COL22A1: variants seen among roughly 807,000 people sequenced by gnomAD.
The protein encoded by COL22A1 is collagen type XXII alpha 1 chain, also known as collagen alpha-1(XXII) chain.
Under a neutral mutation model 248.9 loss-of-function variants are expected in COL22A1, and 221 were observed. The observed-to-expected ratio is 0.89, with a 90% CI of 0.80 to 0.99. COL22A1 has a LOEUF of 0.99. Ranked by LOEUF, COL22A1 falls within the 50% of genes least tolerant of loss-of-function variation. The pLI, the probability that COL22A1 is intolerant of heterozygous loss-of-function variation, is 0.00. For missense variants in COL22A1, 2,240 were observed against 2,179.0 expected (o/e 1.03, Z -0.56); for synonymous variants, 891 against 793.4 (o/e 1.12, Z -2.07).
At chr8:138,677,512 A>ATT (rs879270437) in intron 40 of COL22A1, among the ~76,000 whole-genome samples, 34,016 of 152,084 alleles carry the variant, frequency 0.22, 4,076 homozygotes, top group African/African-American at 0.32. Context: ...AGGCCGAGCC[A>ATT]CGCCTTATTC....
At chr8:138,805,518 T>TG (rs1817481284) in intron 10 of COL22A1, among the ~76,000 whole-genome samples, 1 of 138,968 alleles carries the variant, frequency 7.2e-6, no homozygotes, top group African/African-American at 2.9e-5. Context: ...GGTGTGTGTG[T>TG]ATATGTGTGA....
chr8:138,740,367 G>T (rs1831454421), intron 22 of COL22A1, among the ~76,000 whole-genome samples: 1 of 152,146 alleles, frequency 6.6e-6, no homozygotes, highest in Non-Finnish European at 1.5e-5. Context: ...TGAGCAGAAT[G>T]ACTCATTAAG....
intron 12 of COL22A1, among the ~76,000 whole-genome samples, chr8:138,790,992 G>A (rs1038782998): frequency 5.9e-5 from 9 of 152,172 alleles, no homozygotes; most frequent in Non-Finnish European, 1.3e-4. Context: ...GCAAGCCAGA[G>A]CTCATTATAA....
At chr8:138,882,576 CCACA>C (rs1353709722) in intron 2 of COL22A1, among the ~76,000 whole-genome samples, 2 of 17,686 alleles carry the variant, frequency 1.1e-4, no homozygotes, top group Admixed American at 1.0e-3. Context: ...CCACACACTC[CCACA>C]CACTGTCAAA....
chr8:138,675,810 G>A (rs1209604500), intron 41 of COL22A1, among the ~76,000 whole-genome samples: 1 of 152,074 alleles, frequency 6.6e-6, no homozygotes, highest in Non-Finnish European at 1.5e-5. Context: ...AGCAGTGGGT[G>A]GAAACTACAG....
intron 22 of COL22A1, among the ~76,000 whole-genome samples, chr8:138,738,886 C>T (rs575020609): frequency 6.6e-6 from 1 of 152,220 alleles, no homozygotes; most frequent in Non-Finnish European, 1.5e-5. Flanking sequence ...CTCTACTGTC[C>T]CGGAATCTCC....
At chr8:138,862,461 C>A (rs1822556052) in intron 3 of COL22A1, among the ~76,000 whole-genome samples, 1 of 152,114 alleles carries the variant, frequency 6.6e-6, no homozygotes, top group South Asian at 2.1e-4. Context: ...TTTCCTCCAC[C>A]CGGAGTGCCC....
chr8:138,800,215 G>GT (rs1336587032), intron 11 of COL22A1, among the ~76,000 whole-genome samples: 4 of 152,146 alleles, frequency 2.6e-5, no homozygotes, highest in Non-Finnish European at 5.9e-5. Flanking sequence ...AGCCTCCACT[G>GT]TATGACTGAG....
At chr8:138,905,335 C>T (rs1022083971) in intron 1 of COL22A1, among the ~76,000 whole-genome samples, 20 of 152,190 alleles carry the variant, frequency 1.3e-4, no homozygotes, top group African/African-American at 4.6e-4. Flanking sequence ...GGACCAGAAA[C>T]TCACTACTTT....
At chr8:138,690,925 T>G in intron 35 of COL22A1, 51 bp from the exon 36 acceptor site, 1 of 1,460,422 alleles carries the variant, frequency 6.8e-7, no homozygotes, top group Non-Finnish European at 9.4e-7. Context: ...TTAGAAGTAG[T>G]TGCCCCCACT....
rs1230804094 is a variant in COL22A1, at chr8:138,760,298, G to T, written c.1858-11C>A. ...AGGGCCGGGCCTGCCCTGGAGGAAA[G>T]AAAGAAAAGGCAGATTATGATGGGC... is the stretch of plus-strand genomic sequence containing the variant. On this transcript the variant is annotated splice_polypyrimidine_tract_variant and intron_variant, in intron 17 of 64. Transcript: ENST00000303045. 3 of 1,598,632 alleles carry T rather than the reference G, an allele frequency of 1.9e-6. No homozygotes were observed. Among genetic ancestry groups the T allele is most frequent in the African/African-American group, 2.7e-5 (2 of 74,280 alleles).
chr8:138,717,290 G>A (rs1446766053), intron 27 of COL22A1, among the ~76,000 whole-genome samples: 1 of 151,960 alleles, frequency 6.6e-6, no homozygotes, highest in African/African-American at 2.4e-5. Flanking sequence ...TGGGACTACA[G>A]GTGCCTGCCA....
chr8:138,722,850 C>CGGGG (rs1171912230), intron 25 of COL22A1, among the ~76,000 whole-genome samples: 53 of 11,822 alleles, frequency 4.5e-3, no homozygotes, highest in East Asian at 0.016. Flanking sequence ...CACATGGGGG[C>CGGGG]GGGGGGGGGG....
At chr8:138,664,207 GCGCACACACACACACACACA>G (rs1269404595) in intron 41 of COL22A1, among the ~76,000 whole-genome samples, 3 of 87,560 alleles carry the variant, frequency 3.4e-5, no homozygotes, top group South Asian at 4.7e-4. Context: ...GCGCGCGCGC[GCGCACACACACACACACACA>G]CACACACACA....
chr8:138,654,710 A>G (rs1823068291), intron 45 of COL22A1, among the ~76,000 whole-genome samples: 1 of 152,134 alleles, frequency 6.6e-6, no homozygotes, highest in South Asian at 2.1e-4. Flanking sequence ...AGCCTTTCAC[A>G]GCTCTCAACA....
At chr8:138,910,011 A>G (rs1815334329) in intron 1 of COL22A1, among the ~76,000 whole-genome samples, 2 of 152,332 alleles carry the variant, frequency 1.3e-5, no homozygotes, top group South Asian at 2.1e-4. Context: ...GCAGGCAGGG[A>G]CTGGTTCACC....
At chr8:138,756,662 C>G (rs115994930) in intron 18 of COL22A1, among the ~76,000 whole-genome samples, 2 of 152,098 alleles carry the variant, frequency 1.3e-5, no homozygotes, top group African/African-American at 4.8e-5. Flanking sequence ...AAATGAATCA[C>G]CAATTAAAGC....
intron 1 of COL22A1, among the ~76,000 whole-genome samples, chr8:138,902,052 G>A (rs767311269): frequency 6.6e-6 from 1 of 152,148 alleles, no homozygotes; most frequent in African/African-American, 2.4e-5. Context: ...CCAGCTGTAA[G>A]ACGCTGTGAA....
intron 1 of COL22A1, among the ~76,000 whole-genome samples, chr8:138,887,891 T>A (rs1252434336): frequency 6.6e-6 from 1 of 152,208 alleles, no homozygotes; most frequent in East Asian, 1.9e-4. Context: ...ACCTACTTGT[T>A]AGCATTGAGT....
Sources: gnomAD v4.1 joint callset for allele counts (sites outside exome capture counted in the v4.1 genomes callset) on GRCh38, gnomAD v4.1.1 for gene constraint, MANE v1.5 for transcripts, NCBI Gene and HGNC (gene_info 2026-07-23, HGNC 2026-07-21) for gene names.